Variants in ANK2 observed in about 807,000 individuals in gnomAD.
ANK2 encodes ankyrin-2.
In ANK2, 83 loss-of-function variants were observed where a neutral mutation model predicts 360.5. The ratio of observed to expected loss-of-function variants is 0.23; its 90% CI spans 0.19 to 0.28. The LOEUF (loss-of-function observed/expected upper bound fraction) is 0.28. ANK2 is among the 10% of genes least tolerant of loss of function. The pLI is 1.00. For synonymous variants in ANK2, 1,740 were observed against 1,759.5 expected, an observed-to-expected ratio of 0.99 and a Z score of 0.28; for missense variants, 4,201 against 4,795.7, an observed-to-expected ratio of 0.88 and a Z score of 3.66.
intron 2 of ANK2, among the ~76,000 whole-genome samples, chr4:112,968,855 T>C (rs1253792273): frequency 6.6e-6 from 1 of 152,218 alleles, no homozygotes; most frequent in Non-Finnish European, 1.5e-5. Context: ...ATTTTATTGA[T>C]TGTTTATACC....
chr4:113,379,382 A>G (rs1396671186), intron 45 of ANK2, among the ~76,000 whole-genome samples: 2 of 152,230 alleles, frequency 1.3e-5, no homozygotes, highest in African/African-American at 4.8e-5. Flanking sequence ...TTAGTTATGG[A>G]AGCTAGTTAG....
At chr4:113,218,269 G>A (rs962630098) in intron 4 of ANK2, among the ~76,000 whole-genome samples, 7 of 152,014 alleles carry the variant, frequency 4.6e-5, no homozygotes, top group African/African-American at 1.7e-4. Flanking sequence ...TAATTCTGAC[G>A]ACTGTTGAGA....
At chr4:112,957,396 A>T (rs1427073273) in intron 2 of ANK2, among the ~76,000 whole-genome samples, 1 of 152,190 alleles carries the variant, frequency 6.6e-6, no homozygotes, top group East Asian at 1.9e-4. Context: ...CAAAATGAAA[A>T]GTCTCCCATG....
At chr4:112,959,774 T>C (rs2033724204) in intron 2 of ANK2, among the ~76,000 whole-genome samples, 1 of 152,178 alleles carries the variant, frequency 6.6e-6, no homozygotes, top group Admixed American at 6.5e-5. Flanking sequence ...TGTGAGCTAA[T>C]AGACCTTAAG....
the ANK2 span, among the ~76,000 whole-genome samples, chr4:112,794,864 A>C: frequency 1.2e-4 from 19 of 152,334 alleles, no homozygotes; most frequent in Non-Finnish European, 5.9e-5. Flanking sequence ...CAGTGACAGA[A>C]ATGGACTCTA....
At chr4:112,897,755 G>A (rs1057471656) in intron 1 of ANK2, among the ~76,000 whole-genome samples, 1 of 152,128 alleles carries the variant, frequency 6.6e-6, no homozygotes, top group Non-Finnish European at 1.5e-5. Flanking sequence ...CTTGCTCACC[G>A]TTTCAGCTAG....
At chr4:113,334,758 CTATTACT>C in intron 29 of ANK2, among the ~76,000 whole-genome samples, 1 of 77,834 alleles carries the variant, frequency 1.3e-5, no homozygotes, top group Non-Finnish European at 2.3e-5. Flanking sequence ...ATTAATTAAT[CTATTACT>C]AGAAAGTTAA....
chr4:113,211,324 C>A (rs1437207209), intron 4 of ANK2, among the ~76,000 whole-genome samples: 2 of 152,184 alleles, frequency 1.3e-5, no homozygotes, highest in Non-Finnish European at 2.9e-5. Flanking sequence ...TGAGAGGTGG[C>A]AGCTCTTTTC....
chr4:113,178,397 C>A (rs1324803965), intron 2 of ANK2, among the ~76,000 whole-genome samples: 5 of 151,964 alleles, frequency 3.3e-5, no homozygotes, highest in African/African-American at 1.2e-4. Context: ...TGGTGAAACC[C>A]CGTCTCTACT....
intron 18 of ANK2, among the ~76,000 whole-genome samples, chr4:113,285,341 G>A (rs1024923136): frequency 2.6e-5 from 4 of 152,060 alleles, no homozygotes; most frequent in African/African-American, 9.7e-5. Context: ...GATCCCTTCA[G>A]TTGAGGGCTC....
chr4:113,333,968 T>C (rs530609652), intron 29 of ANK2, among the ~76,000 whole-genome samples: 6 of 152,324 alleles, frequency 3.9e-5, no homozygotes, highest in Admixed American at 2.0e-4. Context: ...CTAGACCTAA[T>C]AGTAGAATTC....
intron 1 of ANK2, among the ~76,000 whole-genome samples, chr4:113,072,432 G>A (rs1259178006): frequency 6.6e-6 from 1 of 152,182 alleles, no homozygotes; most frequent in East Asian, 1.9e-4. Flanking sequence ...GTAGAGAGGG[G>A]CAATGTTTTT....
the ANK2 span, among the ~76,000 whole-genome samples, chr4:112,725,286 CA>C: frequency 6.6e-3 from 278 of 42,200 alleles, 1 homozygote; most frequent in African/African-American, 0.017. Flanking sequence ...TGTCTCCAGA[CA>C]AAAAAAAAAA....
intron 1 of ANK2, among the ~76,000 whole-genome samples, chr4:113,168,571 A>G (rs1279692022): frequency 6.6e-6 from 1 of 152,230 alleles, no homozygotes; most frequent in Non-Finnish European, 1.5e-5. Flanking sequence ...ATGTAGGTTA[A>G]CCTGCATGTT....
intron 1 of ANK2, among the ~76,000 whole-genome samples, chr4:113,119,794 A>G (rs2095220907): frequency 1.3e-5 from 2 of 152,262 alleles, no homozygotes; most frequent in South Asian, 4.1e-4. Context: ...ATTTTGAAGG[A>G]TTTTTACCAA....
intron 24 of ANK2, among the ~76,000 whole-genome samples, chr4:113,315,664 C>A (rs549373699): frequency 3.3e-5 from 5 of 152,168 alleles, no homozygotes; most frequent in Non-Finnish European, 5.9e-5. Flanking sequence ...TTTGGGAGGC[C>A]AAGGTGGGCG....
chr4:112,710,507 C>T, the ANK2 span, among the ~76,000 whole-genome samples: 2 of 151,960 alleles, frequency 1.3e-5, no homozygotes, highest in Admixed American at 1.3e-4. Context: ...ACCGGCCTGG[C>T]CAACATGGTG....
intron 32 of ANK2, among the ~76,000 whole-genome samples, chr4:113,339,689 C>G (rs1465522811): frequency 6.6e-6 from 1 of 152,228 alleles, no homozygotes; most frequent in African/African-American, 2.4e-5. Flanking sequence ...GATAACAGCA[C>G]AAATCTCACC....
In ANK2 at chr4:113,282,917, T is replaced by C. The variant is rs777828102; in HGVS notation, c.2079+45T>C. The C allele has an allele frequency of 5.6e-6, 9 of 1,595,664 alleles. No homozygotes were observed. In the Admixed American group the frequency reaches 8.4e-5, roughly 15 times the overall value. ...ATCAATCAAGAGTGTTTTGGATGCA[T>C]GTAAACAGGAACCAATCGCAGACAG... On this transcript the variant is annotated intron_variant, in intron 18 of 45. Coordinates refer to ENST00000357077, the MANE Select transcript of ANK2 (RefSeq NM_001148.6).
Sources: allele counts gnomAD v4.1 joint callset (sites outside exome capture counted in the v4.1 genomes callset), GRCh38; gene constraint gnomAD v4.1.1; transcripts MANE v1.5; gene names NCBI Gene and HGNC (gene_info 2026-07-23, HGNC 2026-07-21).